MYO3B: variants seen among roughly 807,000 people sequenced by gnomAD.
MYO3B encodes the protein myosin IIIB.
Under a neutral mutation model 174.6 loss-of-function variants are expected in MYO3B, and 156 were observed. The ratio of observed to expected loss-of-function variants is 0.89; its 90% CI spans 0.78 to 1.02. The LOEUF is 1.02. MYO3B is among the 50% of genes least tolerant of loss of function. MYO3B has a pLI of 0.00. For synonymous variants in MYO3B, 563 were observed against 569.1 expected (o/e 0.99, Z 0.15); for missense variants, 1,632 against 1,639.4 (o/e 1.00, Z 0.08).
intron 6 of MYO3B, among the ~76,000 whole-genome samples, chr2:170,229,673 G>A (rs978847903): frequency 2.0e-5 from 3 of 152,114 alleles, no homozygotes; most frequent in South Asian, 2.1e-4. Flanking sequence ...CATAAAATTC[G>A]ATAAATGGTT....
chr2:170,600,130 G>GTTTTT (rs772057303), intron 32 of MYO3B, among the ~76,000 whole-genome samples: 1 of 128,626 alleles, frequency 7.8e-6, no homozygotes, highest in Non-Finnish European at 1.5e-5. Flanking sequence ...CCTTGTTGTT[G>GTTTTT]TTGTTTTTTT....
At chr2:170,622,374 A>G (rs538758978) in intron 32 of MYO3B, among the ~76,000 whole-genome samples, 2 of 152,320 alleles carry the variant, frequency 1.3e-5, no homozygotes, top group African/African-American at 4.8e-5. Flanking sequence ...CTGTCCTGAG[A>G]AGAGCAACTT....
chr2:170,603,108 C>A (rs192851624), intron 32 of MYO3B, among the ~76,000 whole-genome samples: 1 of 152,084 alleles, frequency 6.6e-6, no homozygotes, highest in East Asian at 1.9e-4. Context: ...AACTTCTAAA[C>A]CTTCATAAAC....
intron 22 of MYO3B, chr2:170,412,153 A>G (rs1377006462): frequency 6.6e-6 from 1 of 152,232 alleles, no homozygotes; most frequent in Non-Finnish European, 1.5e-5. Context: ...ATGTTATAAC[A>G]TGGTTTCAAG....
chr2:170,232,424 A>T (rs1251510151), intron 6 of MYO3B, among the ~76,000 whole-genome samples: 3 of 152,230 alleles, frequency 2.0e-5, no homozygotes, highest in African/African-American at 7.2e-5. Flanking sequence ...GTAAGGAGCA[A>T]TCCTGAATGA....
chr2:170,208,259 G>T (rs1265091508), intron 3 of MYO3B, among the ~76,000 whole-genome samples: 1 of 152,194 alleles, frequency 6.6e-6, no homozygotes, highest in African/African-American at 2.4e-5. Flanking sequence ...GTGTTGCATG[G>T]ACTCCTTATC....
At chr2:170,351,527 G>T (rs745413689) in intron 8 of MYO3B, among the ~76,000 whole-genome samples, 8 of 152,144 alleles carry the variant, frequency 5.3e-5, no homozygotes, top group African/African-American at 7.2e-5. Context: ...AAGACCATGG[G>T]ACAGCAGCAC....
intron 22 of MYO3B, among the ~76,000 whole-genome samples, chr2:170,436,774 A>T (rs146203865): frequency 6.6e-6 from 1 of 152,052 alleles, no homozygotes; most frequent in Non-Finnish European, 1.5e-5. Context: ...GGCCATTCAG[A>T]CTCTTCAAAG....
chr2:170,376,926 C>T (rs2094297720), intron 9 of MYO3B, among the ~76,000 whole-genome samples: 1 of 152,154 alleles, frequency 6.6e-6, no homozygotes, highest in African/African-American at 2.4e-5. Flanking sequence ...TGATTTAGAG[C>T]ACCTTTTTCT....
At chr2:170,613,341 A>C (rs1393878485) in intron 32 of MYO3B, among the ~76,000 whole-genome samples, 1 of 152,196 alleles carries the variant, frequency 6.6e-6, no homozygotes, top group Non-Finnish European at 1.5e-5. Context: ...AGGTTGTTCC[A>C]TTTGATATCT....
intron 7 of MYO3B, among the ~76,000 whole-genome samples, chr2:170,247,512 G>A (rs149138998): frequency 1.4e-3 from 213 of 152,264 alleles, no homozygotes; most frequent in African/African-American, 5.0e-3. Context: ...TTATCTCCAC[G>A]CCAAGCAACT....
intron 1 of MYO3B, among the ~76,000 whole-genome samples, chr2:170,184,715 G>T (rs941612064): frequency 1.3e-5 from 2 of 152,120 alleles, no homozygotes; most frequent in Non-Finnish European, 2.9e-5. Context: ...CAGTGGGATT[G>T]CTGAATCATA....
At chr2:170,530,020 C>T (rs1680716698) in intron 30 of MYO3B, among the ~76,000 whole-genome samples, 1 of 152,172 alleles carries the variant, frequency 6.6e-6, no homozygotes, top group Non-Finnish European at 1.5e-5. Flanking sequence ...ACTAGCATCG[C>T]CCTGGTCACC....
chr2:170,533,517 A>G (rs1310153495), intron 30 of MYO3B, among the ~76,000 whole-genome samples: 1 of 152,026 alleles, frequency 6.6e-6, no homozygotes. Flanking sequence ...CTTTTTCTCT[A>G]CAAGTCTATG....
intron 30 of MYO3B, among the ~76,000 whole-genome samples, chr2:170,542,029 A>T (rs1274202383): frequency 6.6e-6 from 1 of 152,196 alleles, no homozygotes; most frequent in Non-Finnish European, 1.5e-5. Context: ...AATTTATCTC[A>T]ATCTCCTCAT....
At chr2:170,362,747 C>T (rs1452489284) in intron 8 of MYO3B, among the ~76,000 whole-genome samples, 2 of 152,192 alleles carry the variant, frequency 1.3e-5, no homozygotes, top group Non-Finnish European at 2.9e-5. Flanking sequence ...GACTTTGCAA[C>T]AGCATCAAAT....
intron 32 of MYO3B, among the ~76,000 whole-genome samples, chr2:170,627,548 A>G (rs1453663447): frequency 6.6e-6 from 1 of 152,134 alleles, no homozygotes; most frequent in African/African-American, 2.4e-5. Flanking sequence ...TCTTCTCTCA[A>G]TTCGTCAAAG....
chr2:170,207,071 G>A (rs550446197), intron 3 of MYO3B, among the ~76,000 whole-genome samples: 2 of 152,226 alleles, frequency 1.3e-5, no homozygotes, highest in East Asian at 1.9e-4. Flanking sequence ...CATTTCACTT[G>A]ACACAGACAC....
intron 7 of MYO3B, among the ~76,000 whole-genome samples, chr2:170,238,364 T>TTCTCTCTC: frequency 6.6e-6 from 1 of 150,424 alleles, no homozygotes; most frequent in South Asian, 2.1e-4. Context: ...CTGTCTCTCT[T>TTCTCTCTC]TCTCTCTCTC....
Sources: gnomAD v4.1 joint callset for allele counts (sites outside exome capture counted in the v4.1 genomes callset) on GRCh38, gnomAD v4.1.1 for gene constraint, MANE v1.5 for transcripts, NCBI Gene and HGNC (gene_info 2026-07-23, HGNC 2026-07-21) for gene names.